Variants in PCDH11Y observed in about 807,000 individuals in gnomAD.
The protein encoded by PCDH11Y is protocadherin-11 Y-linked.
For missense variants in PCDH11Y, 12 were observed against 224.8 expected (o/e 0.05, Z 6.05); for synonymous variants, 9 against 83.6 (o/e 0.11, Z 4.87).
At chrY:5,088,411 A>T (rs2124633423) in intron 1 of PCDH11Y, among the ~76,000 whole-genome samples, 1 of 33,519 alleles carries the variant, frequency 3.0e-5, no homozygotes, top group East Asian at 8.1e-4. Context: ...GAATTGGTTA[A>T]TTGGATATTA....
intron 4 of PCDH11Y, among the ~76,000 whole-genome samples, chrY:5,596,180 G>A: frequency 3.5e-5 from 1 of 28,801 alleles, no homozygotes. Context: ...ATACATTTTA[G>A]TGTATGAGGT....
intron 2 of PCDH11Y, among the ~76,000 whole-genome samples, chrY:5,126,201 T>C: frequency 3.0e-5 from 1 of 32,879 alleles, no homozygotes; most frequent in Non-Finnish European, 7.5e-5. Flanking sequence ...GACAAAAGGG[T>C]GAGAAGATGG....
intron 1 of PCDH11Y, chrY:5,030,873 A>G: frequency 3.1e-5 from 1 of 31,980 alleles, no homozygotes; most frequent in Admixed American, 3.0e-4. Context: ...CCCACTACAT[A>G]AACTTAACAT....
At chrY:5,666,259 A>T (rs2053544673) in intron 4 of PCDH11Y, among the ~76,000 whole-genome samples, 1 of 33,183 alleles carries the variant, frequency 3.0e-5, no homozygotes, top group African/African-American at 1.2e-4. Flanking sequence ...TTTCCTCCTC[A>T]GCATGGACAT....
chrY:5,157,139 G>A (rs2052870373), intron 2 of PCDH11Y, among the ~76,000 whole-genome samples: 1 of 32,541 alleles, frequency 3.1e-5, no homozygotes, highest in Non-Finnish European at 7.6e-5. Flanking sequence ...CAAAATATTC[G>A]CTAGTTTATT....
intron 2 of PCDH11Y, among the ~76,000 whole-genome samples, chrY:5,467,189 A>AT (rs2053309147): frequency 6.6e-5 from 2 of 30,446 alleles, no homozygotes; most frequent in African/African-American, 1.3e-4. Flanking sequence ...GTTTCCCTGC[A>AT]TTTTTTTTGC....
chrY:5,121,602 C>G, intron 2 of PCDH11Y, among the ~76,000 whole-genome samples: 1 of 32,929 alleles, frequency 3.0e-5, no homozygotes, highest in African/African-American at 1.2e-4. Context: ...AAACTTCAAT[C>G]CAATCAAGTT....
intron 2 of PCDH11Y, among the ~76,000 whole-genome samples, chrY:5,329,081 C>G: frequency 3.1e-5 from 1 of 32,479 alleles, no homozygotes; most frequent in Non-Finnish European, 7.5e-5. Context: ...CGTTTTCTGG[C>G]TATTTGGAAC....
chrY:5,249,654 C>T (rs2053001471), intron 2 of PCDH11Y, among the ~76,000 whole-genome samples: 4 of 33,066 alleles, frequency 1.2e-4, no homozygotes, highest in South Asian at 1.3e-3. Context: ...ATGATGAAAA[C>T]GCCAAAAGCA....
At chrY:5,494,026 T>C in intron 2 of PCDH11Y, among the ~76,000 whole-genome samples, 1 of 33,753 alleles carries the variant, frequency 3.0e-5, no homozygotes, top group Non-Finnish European at 7.4e-5. Flanking sequence ...AACTATTAGA[T>C]AGTCAAGGTG....
chrY:5,437,017 T>G, intron 2 of PCDH11Y, among the ~76,000 whole-genome samples: 8 of 32,747 alleles, frequency 2.4e-4, no homozygotes, highest in African/African-American at 9.6e-4. Flanking sequence ...GTCCTTTAGA[T>G]CTGTCAAACA....
intron 2 of PCDH11Y, among the ~76,000 whole-genome samples, chrY:5,345,156 T>G (rs2124669572): frequency 5.9e-5 from 2 of 34,115 alleles, no homozygotes; most frequent in African/African-American, 2.3e-4. Context: ...AGTGATGCCT[T>G]TTAGATTCAT....
chrY:5,024,256 G>A (rs2563595), intron 1 of PCDH11Y, among the ~76,000 whole-genome samples: 27 of 32,862 alleles, frequency 8.2e-4, no homozygotes, highest in Admixed American at 7.6e-3. Context: ...CATAATTATC[G>A]GTGGAACTAT....
chrY:5,379,455 C>A, intron 2 of PCDH11Y, among the ~76,000 whole-genome samples: 1 of 29,838 alleles, frequency 3.4e-5, no homozygotes, highest in Non-Finnish European at 8.1e-5. Context: ...AGGGCTCCAC[C>A]CCAAAGGACC....
chrY:5,026,484 T>G (rs1602839497), intron 1 of PCDH11Y, among the ~76,000 whole-genome samples: 1 of 26,637 alleles, frequency 3.8e-5, no homozygotes, highest in South Asian at 9.5e-4. Context: ...GAACAATGAA[T>G]ATACCACACT....
chrY:5,034,345 G>A (rs2052595700), intron 3 of PCDH11Y, among the ~76,000 whole-genome samples: 1 of 33,320 alleles, frequency 3.0e-5, no homozygotes, highest in Non-Finnish European at 7.4e-5. Flanking sequence ...AAACTGCCAT[G>A]AATAAAACAG....
intron 2 of PCDH11Y, among the ~76,000 whole-genome samples, chrY:5,273,860 G>A (rs2053040683): frequency 3.0e-5 from 1 of 33,666 alleles, no homozygotes. Flanking sequence ...AATATATTTT[G>A]GGGTAAAACA....
intron 2 of PCDH11Y, among the ~76,000 whole-genome samples, chrY:5,214,337 G>C: frequency 6.1e-5 from 2 of 32,906 alleles, no homozygotes; most frequent in African/African-American, 2.4e-4. Context: ...AGATTTAACT[G>C]TATTCATTCA....
At chrY:5,075,354 A>G (rs2052706566) in intron 1 of PCDH11Y, among the ~76,000 whole-genome samples, 2 of 33,167 alleles carry the variant, frequency 6.0e-5, no homozygotes, top group South Asian at 6.8e-4. Context: ...CAGACATGCA[A>G]TTGTCATGAT....
Sources: allele counts gnomAD v4.1 joint callset (sites outside exome capture counted in the v4.1 genomes callset), GRCh38; gene constraint gnomAD v4.1.1; transcripts MANE v1.5; gene names NCBI Gene and HGNC (gene_info 2026-07-23, HGNC 2026-07-21).